Variants in ZNF41 observed in about 807,000 individuals in gnomAD.
ZNF41 encodes the protein zinc finger protein 41.
ZNF41 carries 6 observed loss-of-function variants against 9.3 expected under a neutral mutation model. The ratio of observed to expected loss-of-function variants is 0.65; its 90% CI spans 0.35 to 1.28. The LOEUF (loss-of-function observed/expected upper bound fraction) is 1.28, where lower values mean the gene tolerates loss of function less well. Among genes scored for constraint, ZNF41 ranks in the 50% most tolerant of loss-of-function variants. ZNF41 has a pLI of 0.03. For missense variants in ZNF41, 523 were observed against 585.8 expected (o/e 0.89, Z 1.11); for synonymous variants, 192 against 207.1 (o/e 0.93, Z 0.63).
chrX:47,459,181 CT>C, intron 2 of ZNF41, among the ~76,000 whole-genome samples: 1 of 106,100 alleles, frequency 9.4e-6, no homozygotes. Flanking sequence ...GAAATCTCGT[CT>C]CTTCTAGAAA....
intron 1 of ZNF41, among the ~76,000 whole-genome samples, chrX:47,475,822 G>A (rs950214438): frequency 2.7e-5 from 3 of 111,447 alleles, no homozygotes; most frequent in African/African-American, 9.8e-5. Context: ...ACTCAAATCT[G>A]ACCATGACTC....
chrX:47,474,265 G>C (rs940778182), intron 1 of ZNF41, among the ~76,000 whole-genome samples: 2 of 111,230 alleles, frequency 1.8e-5, no homozygotes, highest in African/African-American at 6.5e-5. Context: ...TCAGGAGTTT[G>C]AGACCAGCCT....
At chrX:47,451,405 G>A (rs1438632524) in intron 4 of ZNF41, among the ~76,000 whole-genome samples, 1 of 112,110 alleles carries the variant, frequency 8.9e-6, no homozygotes, top group African/African-American at 3.2e-5. Flanking sequence ...CAACAAAAAC[G>A]GATCTGGCCC....
Position 47,453,139 on chromosome X carries a change from G to A in ZNF41, c.295+2782C>T, listed in dbSNP as rs193272376. 3.2e-3 allele frequency among the ~76,000 whole-genome samples: 357 copies of A among 111,181 alleles called. 1 individual carries two copies. The highest frequency in any genetic ancestry group is 0.011 in the African/African-American group (339 of 30,605). On this transcript the variant is annotated intron_variant, in intron 4 of 4. Transcript: ENST00000684689. Reference sequence around the variant, plus strand: ...AGATGGAATCTTGTTGTGTTGCCCAGGCTGGTCTTGAACTCCTGGCCTCAA... The same window carrying A: ...AGATGGAATCTTGTTGTGTTGCCCAAGCTGGTCTTGAACTCCTGGCCTCAA...
At chrX:47,452,928 T>C (rs2056420264) in intron 4 of ZNF41, among the ~76,000 whole-genome samples, 1 of 111,928 alleles carries the variant, frequency 8.9e-6, no homozygotes, top group African/African-American at 3.2e-5. Flanking sequence ...TCTGTTCACA[T>C]TAGTCTGTGG....
intron 1 of ZNF41, among the ~76,000 whole-genome samples, chrX:47,480,181 T>A (rs762755768): frequency 8.9e-6 from 1 of 111,970 alleles, no homozygotes; most frequent in Admixed American, 9.6e-5. Flanking sequence ...TTCTACATGA[T>A]GTTAAAACTA....
At position 47,447,955 on chromosome X, in the gene ZNF41, T is replaced by C; in HGVS notation, c.1815A>G (p.Lys605=). 3 of 1,211,843 alleles carry C rather than the reference T, an allele frequency of 2.5e-6. No individual in the cohort carries two copies. Among genetic ancestry groups the C allele is most frequent in the Non-Finnish European group, 2.2e-6 (2 of 895,531 alleles). Residue 605 remains lysine, a synonymous_variant, in exon 5 of 5, where the codon AAA becomes AAG. Coordinates refer to ENST00000684689, the MANE Select transcript of ZNF41 (RefSeq NM_001324144.2). ...SVHQRIHTGE[K]PYVCPECGKA... ...TCCCGCATTCAGGACAAACGTACGG[T>C]TTCTCTCCTGTATGGATTCTCTGAT...
chrX:47,482,602 C>CGTGCGCGCGT (rs2057507058), intron 1 of ZNF41: 1 of 112,862 alleles, frequency 8.9e-6, no homozygotes, highest in Non-Finnish European at 1.9e-5. Flanking sequence ...CCGGTGCGTG[C>CGTGCGCGCGT]GTGCGCGTGC....
intron 4 of ZNF41, among the ~76,000 whole-genome samples, chrX:47,453,248 C>G (rs1251309660): frequency 9.0e-6 from 1 of 111,483 alleles, no homozygotes; most frequent in South Asian, 3.7e-4. Context: ...CTCTTAATTC[C>G]GGAGACTTTC....
intron 1 of ZNF41, among the ~76,000 whole-genome samples, chrX:47,469,310 C>CAAAAAAAAAAAAAAA (rs749426044): frequency 5.6e-5 from 2 of 35,945 alleles, no homozygotes; most frequent in African/African-American, 2.0e-4. Context: ...GACTCCGTCT[C>CAAAAAAAAAAAAAAA]AAAAAAAAAA....
In ZNF41 at chrX:47,449,125, G is replaced by T. The variant is rs1392312042; in HGVS notation, c.645C>A (p.Gly215=). The T allele has an allele frequency of 5.0e-6, 6 of 1,211,556 alleles. No homozygotes were observed. Among genetic ancestry groups the T allele is most frequent in the Non-Finnish European group, 6.7e-6 (6 of 895,481 alleles). Residue 215 remains glycine, a synonymous_variant, in exon 5 of 5, where the codon GGC becomes GGA. Coordinates refer to ENST00000684689, the MANE Select transcript of ZNF41 (RefSeq NM_001324144.2). ...HNRNSATKNL[G]KIFGNGNNFP... Reference sequence around the variant, plus strand: ...AATTGTTACCATTTCCAAAAATCTTGCCAAGGTTCTTTGTTGCACTGTTTC... The same window carrying T: ...AATTGTTACCATTTCCAAAAATCTTTCCAAGGTTCTTTGTTGCACTGTTTC...
intron 1 of ZNF41, among the ~76,000 whole-genome samples, chrX:47,480,577 T>A (rs1241319863): frequency 7.2e-5 from 8 of 110,416 alleles, no homozygotes; most frequent in South Asian, 3.8e-4. Flanking sequence ...GATGATTTTT[T>A]AAAAATCAAA....
chrX:47,446,870 T>C lies in ZNF41; in HGVS notation c.*560A>G, dbSNP rs2056130945. On this transcript the variant is annotated 3_prime_UTR_variant, in exon 5 of 5. Coordinates refer to ENST00000684689, the MANE Select transcript of ZNF41 (RefSeq NM_001324144.2). The stretch of plus-strand genomic sequence containing the variant: ...GAAAAAAGTTTTTCATGGAAATCTT[T>C]TCTATGTCTTAAGTGCCAATGATCA... The C allele has an allele frequency of 1.8e-5, 2 of 112,647 alleles. No homozygotes were observed. The highest frequency in any genetic ancestry group is 1.9e-4 in the Admixed American group (2 of 10,579). The allele number at this position is 112,647 out of a possible 1,213,427, so 9.3% of individuals were successfully genotyped here.
At chrX:47,462,974 TACACAC>T (rs756873063) in intron 2 of ZNF41, among the ~76,000 whole-genome samples, 1 of 100,954 alleles carries the variant, frequency 9.9e-6, no homozygotes, top group African/African-American at 3.6e-5. Flanking sequence ...CACATATGTG[TACACAC>T]ACACACACAC....
chrX:47,453,711 A>G (rs779374798), intron 4 of ZNF41, among the ~76,000 whole-genome samples: 1 of 112,267 alleles, frequency 8.9e-6, no homozygotes, highest in South Asian at 3.7e-4. Flanking sequence ...ATTTAATATG[A>G]ACTAGTAAAA....
chrX:47,479,590 T>C (rs1425279901), intron 1 of ZNF41, among the ~76,000 whole-genome samples: 2 of 110,342 alleles, frequency 1.8e-5, no homozygotes, highest in East Asian at 5.6e-4. Flanking sequence ...AATTTGGTAA[T>C]TGGATTGAAT....
chrX:47,474,624 C>T (rs757362849), intron 1 of ZNF41, among the ~76,000 whole-genome samples: 6 of 110,668 alleles, frequency 5.4e-5, no homozygotes, highest in Admixed American at 4.9e-4. Flanking sequence ...TGCCTGTAAT[C>T]CCAGCACTTT....
chrX:47,467,021 G>A (rs1165965495), intron 2 of ZNF41, among the ~76,000 whole-genome samples: 1 of 112,107 alleles, frequency 8.9e-6, no homozygotes, highest in East Asian at 2.8e-4. Flanking sequence ...AAGAGCCGAT[G>A]GAGAGGGAAG....
intron 1 of ZNF41, among the ~76,000 whole-genome samples, chrX:47,467,985 G>A (rs767340583): frequency 1.8e-5 from 2 of 111,710 alleles, no homozygotes; most frequent in South Asian, 3.7e-4. Context: ...ATGCTTCTAC[G>A]CACACCTACT....
Sources: gnomAD v4.1 joint callset for allele counts (sites outside exome capture counted in the v4.1 genomes callset) on GRCh38, gnomAD v4.1.1 for gene constraint, MANE v1.5 for transcripts, NCBI Gene and HGNC (gene_info 2026-07-23, HGNC 2026-07-21) for gene names.